The following SESN2 variants were observed in gnomAD, a reference collection of about 807,000 sequenced individuals.
SESN2 encodes sestrin 2.
A neutral mutation model predicts 56.0 loss-of-function variants in SESN2; 42 were observed. The observed-to-expected ratio is 0.75, with a 90% confidence interval of 0.59 to 0.97. The LOEUF (loss-of-function observed/expected upper bound fraction) is 0.97. Ranked by LOEUF, SESN2 falls within the 50% of genes least tolerant of loss-of-function variation. The probability of loss-of-function intolerance (pLI) is 0.00; values close to 1 mark genes in which losing one functional copy is unlikely to be tolerated. For missense variants in SESN2, 507 were observed against 649.4 expected, an observed-to-expected ratio of 0.78 and a Z score of 2.38; for synonymous variants, 264 against 267.1, an observed-to-expected ratio of 0.99 and a Z score of 0.11.
rs543925582 is a variant in SESN2 at position 28,271,601 on chromosome 1, G to A, written c.157-73G>A. 41 of 1,220,602 alleles carry A rather than the reference G, an allele frequency of 3.4e-5. 2 individuals carry two copies. In the South Asian group the frequency reaches 5.0e-4, roughly 15 times the overall value. 75.6% of individuals were successfully genotyped at this position (1,220,602 alleles called of 1,614,324 possible). On this transcript the variant is annotated intron_variant, in intron 2 of 9. Coordinates refer to ENST00000253063, the MANE Select transcript of SESN2 (RefSeq NM_031459.5). ...AGTTTCTTGCCATTAAAAACCCACT[G>A]GAAGAATACATTGGTCTCTTTGATG... is the stretch of plus-strand genomic sequence containing the variant.
chr1:28,263,428 T>C (rs1474562480), intron 1 of SESN2, among the ~76,000 whole-genome samples: 1 of 152,096 alleles, frequency 6.6e-6, no homozygotes, highest in African/African-American at 2.4e-5. Flanking sequence ...CTGGGCTGCT[T>C]GGGCTGTATT....
rs1276301882 is a variant in SESN2, at chr1:28,265,447, G to A, written c.91-3736G>A. Among the ~76,000 whole-genome samples the A allele has an allele frequency of 2.0e-5, 3 of 152,274 alleles. No homozygotes were observed. The East Asian group carries it at 5.8e-4, about 29-fold the overall frequency. ...TCACTCTTGTTGCCCAGGCTGGAGT[G>A]CAATGGTGCGATCTCAGCTCACCAC... On this transcript the variant is annotated intron_variant, in intron 1 of 9. Transcript: ENST00000253063.
At chr1:28,271,938 T>C in intron 3 of SESN2, 67 bp downstream of exon 3, 1 of 1,454,158 alleles carries the variant, frequency 6.9e-7, no homozygotes, top group Non-Finnish European at 9.6e-7. Context: ...TTGATCTCTT[T>C]TCTGGGAGCT....
chr1:28,279,208 CCTCTTCTGGAGG>C lies in SESN2; in HGVS notation c.1325_1336del (p.Leu442_Arg445del). On this transcript the variant is annotated inframe_deletion, in exon 9 of 10. Transcript: ENST00000253063. The stretch of plus-strand genomic sequence containing the variant: ...AGAAGACCACCCGAAGAATGTACAA[CCTCTTCTGGAGG>C]CACTTCCGCCACTCAGAGAAGGTAT... 6.2e-7 allele frequency: 1 copy of C among 1,614,176 alleles called. No individual in the cohort carries two copies. The highest frequency in any genetic ancestry group is 1.3e-5 in the African/African-American group (1 of 75,036).
chr1:28,273,316 A>G (rs1572096247), intron 5 of SESN2, 42 bp from the exon 6 acceptor site: 1 of 1,512,688 alleles, frequency 6.6e-7, no homozygotes, highest in South Asian at 1.3e-5. Context: ...CCAGAGGCTG[A>G]AGGAGGAGGA....
At chr1:28,278,145 G>C (rs569277494) in intron 8 of SESN2, among the ~76,000 whole-genome samples, 14 of 152,314 alleles carry the variant, frequency 9.2e-5, no homozygotes, top group African/African-American at 3.4e-4. Context: ...TTGCCCATTT[G>C]TAGAATGAGT....
At chr1:28,259,966 T>C (rs778318176) in intron 1 of SESN2, 29 bp downstream of exon 1, 1 of 1,475,140 alleles carries the variant, frequency 6.8e-7, no homozygotes, top group South Asian at 1.2e-5. Flanking sequence ...ACGCCCCTCT[T>C]CCCTGGAACC....
At chr1:28,263,259 G>T (rs1647443074) in intron 1 of SESN2, among the ~76,000 whole-genome samples, 1 of 152,174 alleles carries the variant, frequency 6.6e-6, no homozygotes, top group African/African-American at 2.4e-5. Flanking sequence ...TTCCGAAGAA[G>T]GGATTATAAG....
chr1:28,270,696 C>T (rs1572094759), intron 2 of SESN2, among the ~76,000 whole-genome samples: 2 of 152,142 alleles, frequency 1.3e-5, no homozygotes, highest in East Asian at 3.9e-4. Flanking sequence ...CTCAAGCCTC[C>T]CGAGTAGCTG....
rs927401923 is a variant in SESN2 at position 28,282,355 on chromosome 1, C to A, written c.*1553C>A. The A allele has an allele frequency of 2.0e-5, 3 of 152,180 alleles. No homozygotes were observed. The highest frequency in any genetic ancestry group is 7.2e-5 in the African/African-American group (3 of 41,428). 9.4% of individuals were successfully genotyped at this position (152,180 alleles called of 1,614,324 possible). ...AGGCCCCGGCATGGGGATCTGGGTT[C>A]TAGAGGGCATGTGATGACTGTAAAT... On this transcript the variant is annotated 3_prime_UTR_variant, in exon 10 of 10. Transcript: ENST00000253063.
intron 1 of SESN2, among the ~76,000 whole-genome samples, chr1:28,267,053 CA>C (rs1258395434): frequency 6.6e-6 from 1 of 152,156 alleles, no homozygotes; most frequent in African/African-American, 2.4e-5. Flanking sequence ...AGTTTTGCTC[CA>C]CCCTACCCTG....
chr1:28,276,570 C>CTTTTTTTTTTTTTTTTTTTT (rs57474365), intron 8 of SESN2, among the ~76,000 whole-genome samples: 1 of 94,736 alleles, frequency 1.1e-5, no homozygotes, highest in Non-Finnish European at 2.1e-5. Context: ...TTTTTCTTTC[C>CTTTTTTTTTTTTTTTTTTTT]TTTTTTTTTT....
chr1:28,270,327 C>A (rs564674495), intron 2 of SESN2, among the ~76,000 whole-genome samples: 3 of 149,226 alleles, frequency 2.0e-5, no homozygotes, highest in Non-Finnish European at 4.4e-5. Context: ...CTCCAGCTTG[C>A]GTGACAGAGT....
At chr1:28,272,944 T>C in intron 5 of SESN2, 151 bp downstream of exon 5, 1 of 604,028 alleles carries the variant, frequency 1.7e-6, no homozygotes, top group Non-Finnish European at 2.9e-6. Context: ...CTTAGTTTCC[T>C]CATCTGTGAA....
chr1:28,277,613 T>C (rs1340097750), intron 8 of SESN2, among the ~76,000 whole-genome samples: 1 of 152,230 alleles, frequency 6.6e-6, no homozygotes, highest in East Asian at 1.9e-4. Context: ...AGTTGTTTTA[T>C]TCATTTACTC....
At chr1:28,278,838 G>A (rs560185120) in intron 8 of SESN2, among the ~76,000 whole-genome samples, 1 of 152,334 alleles carries the variant, frequency 6.6e-6, no homozygotes, top group East Asian at 1.9e-4. Flanking sequence ...GAGTAGTTTT[G>A]AGGATTCCAC....
At chr1:28,277,887 G>A (rs981187613) in intron 8 of SESN2, among the ~76,000 whole-genome samples, 3 of 152,182 alleles carry the variant, frequency 2.0e-5, no homozygotes, top group African/African-American at 4.8e-5. Context: ...TAGAATGTGA[G>A]TTGGGCTGGT....
At position 28,280,812 on chromosome 1, in the gene SESN2, A is replaced by T; in HGVS notation, c.*10A>T. The T allele has an allele frequency of 6.2e-7, 1 of 1,609,498 alleles. No homozygotes were observed. The highest frequency in any genetic ancestry group is 8.5e-7 in the Non-Finnish European group (1 of 1,176,604). On this transcript the variant is annotated 3_prime_UTR_variant, in exon 10 of 10. Coordinates refer to ENST00000253063, the MANE Select transcript of SESN2 (RefSeq NM_031459.5). ...CCGCTACATGACCTGACTCCTGAGC[A>T]GGACCTGGGCCCGGTTCAGCTCCCC...
rs1396975901 is a variant in SESN2, at chr1:28,272,587, C to T, written c.544C>T (p.Leu182=). The T allele has an allele frequency of 1.2e-6, 2 of 1,614,014 alleles. No individual in the cohort carries two copies. Among genetic ancestry groups the T allele is most frequent in the Admixed American group, 3.3e-5 (2 of 60,024 alleles). The change falls in exon 5 of 10, where the codon CTG becomes TTG. Residue 182 remains leucine (L), a synonymous_variant. Coordinates refer to ENST00000253063, the MANE Select transcript of SESN2 (RefSeq NM_031459.5). ...LITKEHIQAL[L]KTGEHTWSLA... ...CCCCCCTTGTCCCTTCCAGGCCTTG[C>T]TGAAGACCGGCGAGCACACTTGGTC...
Sources: gnomAD v4.1 joint callset for allele counts (sites outside exome capture counted in the v4.1 genomes callset) on GRCh38, gnomAD v4.1.1 for gene constraint, MANE v1.5 for transcripts, NCBI Gene and HGNC (gene_info 2026-07-23, HGNC 2026-07-21) for gene names.